The following TMEM45B variants were observed in gnomAD, a reference collection of about 807,000 sequenced individuals.
The protein encoded by TMEM45B is transmembrane protein 45B.
A neutral mutation model predicts 27.3 loss-of-function variants in TMEM45B; 29 were observed. The ratio of observed to expected loss-of-function variants is 1.06; its 90% CI spans 0.79 to 1.45. The LOEUF (loss-of-function observed/expected upper bound fraction) is 1.45. Ranked by LOEUF, TMEM45B falls within the 40% of genes most tolerant of loss-of-function variation. The pLI, the probability that TMEM45B is intolerant of heterozygous loss-of-function variation, is 0.00. For synonymous variants in TMEM45B, 143 were observed against 134.7 expected, an observed-to-expected ratio of 1.06 and a Z score of -0.43; for missense variants, 348 against 343.9, an observed-to-expected ratio of 1.01 and a Z score of -0.09.
rs1947919733 is a variant in TMEM45B at position 129,856,033 on chromosome 11, T to C, written c.570+141T>C. 6.3e-6 allele frequency: 6 copies of C among 957,182 alleles called. No homozygotes were observed. The South Asian group carries it at 1.0e-4, about 16-fold the overall frequency. 59.3% of individuals were successfully genotyped at this position (957,182 alleles called of 1,614,324 possible). ...ATGCAAAGGGGTTTAGATGACCCTT[T>C]TCCCCCCATGCCCGCCCTTTGACTC... On this transcript the variant is annotated intron_variant, in intron 4 of 5. Coordinates refer to ENST00000281441, the MANE Select transcript of TMEM45B (RefSeq NM_138788.5).
chr11:129,840,906 C>T (rs1185593485), intron 1 of TMEM45B, among the ~76,000 whole-genome samples: 1 of 130,538 alleles, frequency 7.7e-6, no homozygotes. Context: ...AGAAGGCCTT[C>T]CAGTTATGGC....
intron 3 of TMEM45B, among the ~76,000 whole-genome samples, chr11:129,855,256 A>ACC (rs2135606362): frequency 6.6e-6 from 1 of 152,090 alleles, no homozygotes; most frequent in South Asian, 2.1e-4. Flanking sequence ...CCAGGGAGGT[A>ACC]CCGTCTTGCC....
intron 1 of TMEM45B, among the ~76,000 whole-genome samples, chr11:129,837,022 G>T (rs1393977339): frequency 2.0e-5 from 3 of 152,132 alleles, no homozygotes; most frequent in South Asian, 2.1e-4. Context: ...TGTGCAGGAC[G>T]GCCCCACAAC....
intron 1 of TMEM45B, 29 bp from the exon 2 acceptor site, chr11:129,852,446 C>A: frequency 6.4e-7 from 1 of 1,557,100 alleles, no homozygotes; most frequent in Non-Finnish European, 8.8e-7. Context: ...CTTCATTAGC[C>A]ACCTAACAGC....
At chr11:129,856,124 C>T (rs1038290476) in intron 4 of TMEM45B, among the ~76,000 whole-genome samples, 2 of 152,172 alleles carry the variant, frequency 1.3e-5, no homozygotes, top group Admixed American at 6.5e-5. Flanking sequence ...TGCACGGTGA[C>T]GTTCAGCTGC....
chr11:129,829,776 CTAGTA>C (rs1457958711), intron 1 of TMEM45B, among the ~76,000 whole-genome samples: 8 of 152,136 alleles, frequency 5.3e-5, no homozygotes, highest in Non-Finnish European at 1.2e-4. Context: ...TCTGTATACT[CTAGTA>C]AAGTATTTTT....
chr11:129,834,959 T>C (rs1367811462), intron 1 of TMEM45B, among the ~76,000 whole-genome samples: 5 of 152,322 alleles, frequency 3.3e-5, no homozygotes, highest in Admixed American at 1.3e-4. Flanking sequence ...TATTAGAAAC[T>C]AGAAGAAAGA....
intron 1 of TMEM45B, among the ~76,000 whole-genome samples, chr11:129,834,813 CAAA>C (rs56304121): frequency 0.57 from 75,415 of 132,076 alleles, 20,200 homozygotes; most frequent in East Asian, 0.76. Flanking sequence ...TCCATCTCCA[CAAA>C]AAAAAAAAAA....
intron 1 of TMEM45B, among the ~76,000 whole-genome samples, chr11:129,834,156 C>T (rs1488073638): frequency 3.3e-5 from 5 of 152,122 alleles, no homozygotes; most frequent in Admixed American, 6.5e-5. Flanking sequence ...ATTAGCCGGG[C>T]GCGGTGGCTC....
At chr11:129,816,325 A>G (rs1947350854) in intron 1 of TMEM45B, among the ~76,000 whole-genome samples, 1 of 152,136 alleles carries the variant, frequency 6.6e-6, no homozygotes, top group Admixed American at 6.5e-5. Flanking sequence ...CGGGGATGCC[A>G]TCTGGCTCCT....
At chr11:129,842,776 A>G (rs1295658030) in intron 1 of TMEM45B, among the ~76,000 whole-genome samples, 1 of 152,248 alleles carries the variant, frequency 6.6e-6, no homozygotes, top group Non-Finnish European at 1.5e-5. Context: ...AAGCACAGGC[A>G]ACAAAAGCAA....
chr11:129,854,673 G>A lies in TMEM45B; in HGVS notation c.242G>A (p.Trp81Ter), dbSNP rs867723128. 2.5e-6 allele frequency: 4 copies of A among 1,614,186 alleles called. No homozygotes were observed. In the South Asian group the frequency reaches 4.4e-5, roughly 18 times the overall value. The change falls in exon 3 of 6, where the codon TGG (tryptophan) becomes TAG (stop). Residue 81 changes from tryptophan (W) to a stop codon, truncating the protein, a stop_gained. Coordinates refer to ENST00000281441, the MANE Select transcript of TMEM45B (RefSeq NM_138788.5). LOFTEE classifies it high-confidence loss of function. ...PHLHLYHENH[W>*]IKLMNWQHST... is the part of the protein sequence containing the mutation. ...CTGCACCTCTACCATGAGAACCACTGGATAAAGTTAATGAATTGGCAGCAC... is the reference window on the plus strand; with the variant it reads ...CTGCACCTCTACCATGAGAACCACTAGATAAAGTTAATGAATTGGCAGCAC...
At chr11:129,851,543 C>CAAAAAAAAAAAAAAAA (rs71057982) in intron 1 of TMEM45B, among the ~76,000 whole-genome samples, 94 of 54,842 alleles carry the variant, frequency 1.7e-3, no homozygotes, top group Middle Eastern at 0.01. Flanking sequence ...AACTCTGCCT[C>CAAAAAAAAAAAAAAAA]AAAAAAAAAA....
rs1591452710 is a variant in TMEM45B at position 129,854,510 on chromosome 11, A to G, written c.179-100A>G. ...CTGACCCGCGGGCCACCCTCACCTC[A>G]CCCCATCTCCGCTTCGCTCATGCCT... On this transcript the variant is annotated intron_variant, in intron 2 of 5. Transcript: ENST00000281441. 5.7e-6 allele frequency: 7 copies of G among 1,235,868 alleles called. No individual in the cohort carries two copies. In the East Asian group the frequency reaches 1.5e-4, roughly 27 times the overall value. 76.6% of individuals were successfully genotyped at this position (1,235,868 alleles called of 1,614,324 possible).
At chr11:129,858,082 G>C (rs1417893217) in intron 5 of TMEM45B, among the ~76,000 whole-genome samples, 2 of 152,154 alleles carry the variant, frequency 1.3e-5, no homozygotes, top group African/African-American at 4.8e-5. Context: ...CTTGACCAAG[G>C]TCACCCCACT....
intron 1 of TMEM45B, among the ~76,000 whole-genome samples, chr11:129,820,833 A>G (rs1947410273): frequency 6.6e-6 from 1 of 152,212 alleles, no homozygotes; most frequent in Admixed American, 6.5e-5. Flanking sequence ...TACTGAGTAT[A>G]GAACCCTAGC....
intron 2 of TMEM45B, among the ~76,000 whole-genome samples, chr11:129,854,065 G>A (rs917825276): frequency 6.6e-6 from 1 of 152,208 alleles, no homozygotes; most frequent in African/African-American, 2.4e-5. Context: ...AGGGCTTGCA[G>A]AGCTGGCTCT....
At chr11:129,818,454 A>G (rs1253198663) in intron 1 of TMEM45B, among the ~76,000 whole-genome samples, 3 of 152,250 alleles carry the variant, frequency 2.0e-5, no homozygotes, top group Non-Finnish European at 4.4e-5. Context: ...CGATGTTTGT[A>G]AACAGCACTG....
At chr11:129,823,090 C>T (rs111298544) in intron 1 of TMEM45B, among the ~76,000 whole-genome samples, 21,008 of 152,032 alleles carry the variant, frequency 0.14, 1,712 homozygotes, top group South Asian at 0.26. Flanking sequence ...CCACCCACCT[C>T]GGCCTCCCAA....
Sources: allele counts gnomAD v4.1 joint callset (sites outside exome capture counted in the v4.1 genomes callset), GRCh38; gene constraint gnomAD v4.1.1; transcripts MANE v1.5; gene names NCBI Gene and HGNC (gene_info 2026-07-23, HGNC 2026-07-21).